TEX36: variants seen among roughly 807,000 people sequenced by gnomAD.
TEX36 encodes the protein testis-expressed protein 36.
Under a neutral mutation model 13.6 loss-of-function variants are expected in TEX36, and 12 were observed. The observed-to-expected ratio is 0.88, with a 90% CI of 0.56 to 1.43. TEX36 has a LOEUF of 1.43. Among genes scored for constraint, TEX36 ranks in the 40% most tolerant of loss-of-function variants. The pLI is 0.00. For missense variants in TEX36, 224 were observed against 228.3 expected (o/e 0.98, Z 0.12); for synonymous variants, 93 against 83.0 (o/e 1.12, Z -0.65).
chr10:125,619,071 A>T (rs1020726073), downstream of TEX36, among the ~76,000 whole-genome samples: 6 of 151,398 alleles, frequency 4.0e-5, no homozygotes, highest in Admixed American at 2.0e-4. Context: ...TGGAGCTTGC[A>T]GTGAGCCGAG....
At chr10:125,608,670 G>C (rs1846247684) in intron 3 of TEX36, among the ~76,000 whole-genome samples, 1 of 152,166 alleles carries the variant, frequency 6.6e-6, no homozygotes, top group Non-Finnish European at 1.5e-5. Context: ...AGCACATCTT[G>C]TTGAGGGCCT....
At chr10:125,656,221 G>A (rs553222902) in intron 3 of TEX36, 25 bp from the exon 4 acceptor site, 58 of 1,115,864 alleles carry the variant, frequency 5.2e-5, no homozygotes, top group African/African-American at 2.9e-4. Context: ...TACAAGATTC[G>A]AAGGAAAATA....
intron 3 of TEX36, among the ~76,000 whole-genome samples, chr10:125,599,067 A>T (rs963524761): frequency 1.3e-5 from 2 of 152,214 alleles, no homozygotes; most frequent in Non-Finnish European, 2.9e-5. Flanking sequence ...TCACTCACTG[A>T]AAGATGAAAA....
chr10:125,612,091 T>TG (rs1207175229), intron 3 of TEX36, among the ~76,000 whole-genome samples: 1 of 130,684 alleles, frequency 7.7e-6, no homozygotes, highest in Non-Finnish European at 1.7e-5. Flanking sequence ...TTCTTTTTCT[T>TG]TTTTTTTTTT....
At chr10:125,647,931 TGCAAGGCGGCAGCAAG>T (rs2133581791) in intron 3 of TEX36, among the ~76,000 whole-genome samples, 1 of 152,298 alleles carries the variant, frequency 6.6e-6, no homozygotes, top group South Asian at 2.1e-4. Context: ...GAGATCGAAC[TGCAAGGCGGCAGCAAG>T]GCTGGGGGAG....
intron 3 of TEX36, among the ~76,000 whole-genome samples, chr10:125,579,214 A>C (rs1845858121): frequency 1.3e-5 from 2 of 152,246 alleles, no homozygotes; most frequent in Admixed American, 1.3e-4. Flanking sequence ...TACTTTATAA[A>C]GAAAAGAGGC....
downstream of TEX36, among the ~76,000 whole-genome samples, chr10:125,654,735 AC>A (rs1163847170): frequency 6.6e-6 from 1 of 152,218 alleles, no homozygotes. Context: ...ATAACAAGGT[AC>A]CTTTTTTCCC....
intron 1 of TEX36, among the ~76,000 whole-genome samples, chr10:125,672,569 G>A (rs574365757): frequency 2.0e-5 from 3 of 152,274 alleles, no homozygotes; most frequent in Admixed American, 2.0e-4. Flanking sequence ...CAGTTTCAGA[G>A]TAAATGCCAT....
chr10:125,650,947 GA>G (rs1330536236), downstream of TEX36, among the ~76,000 whole-genome samples: 4 of 152,250 alleles, frequency 2.6e-5, no homozygotes, highest in African/African-American at 9.6e-5. Context: ...ACTAAACCAA[GA>G]AGAAGTTGAA....
In TEX36 at chr10:125,627,823, A is replaced by G. The variant is rs1589761599; in HGVS notation, c.265-6178T>C. Among the ~76,000 whole-genome samples the G allele has an allele frequency of 3.3e-5, 5 of 152,362 alleles. No homozygotes were observed. The South Asian group carries it at 8.3e-4, about 25-fold the overall frequency. ...CTCTGGGAGCTGCAGACGCCAGCAC[A>G]GGGCACTGCAGAGCCCAGAGGAGGG... On this transcript the variant is annotated intron_variant, in intron 3 of 3. Transcript: ENST00000526819.
intron 3 of TEX36, among the ~76,000 whole-genome samples, chr10:125,647,700 C>CG (rs112933174): frequency 0.063 from 9,572 of 151,688 alleles, 735 homozygotes; most frequent in African/African-American, 0.18. Context: ...CAGAGCAGGG[C>CG]GGGGCATTGC....
chr10:125,588,224 A>G (rs549900314), intron 3 of TEX36, among the ~76,000 whole-genome samples: 40 of 152,316 alleles, frequency 2.6e-4, no homozygotes, highest in African/African-American at 9.4e-4. Context: ...TACATTCCAA[A>G]AGGATTGTAT....
At chr10:125,658,812 T>C (rs1436663151) in intron 3 of TEX36, among the ~76,000 whole-genome samples, 1 of 152,076 alleles carries the variant, frequency 6.6e-6, no homozygotes, top group Non-Finnish European at 1.5e-5. Flanking sequence ...CATAGGCTAT[T>C]TGAAAGCAAA....
At chr10:125,656,456 C>A (rs1371150629) in intron 3 of TEX36, among the ~76,000 whole-genome samples, 1 of 151,732 alleles carries the variant, frequency 6.6e-6, no homozygotes, top group Admixed American at 6.6e-5. Context: ...CAGGGTTTTG[C>A]CATGTTGCCC....
chr10:125,593,332 G>C (rs934631900), intron 3 of TEX36, among the ~76,000 whole-genome samples: 1 of 152,212 alleles, frequency 6.6e-6, no homozygotes, highest in Non-Finnish European at 1.5e-5. Flanking sequence ...CAGGAGGAAA[G>C]AAATCATCCC....
At chr10:125,623,459 A>G (rs951680276) in intron 3 of TEX36, among the ~76,000 whole-genome samples, 1 of 152,040 alleles carries the variant, frequency 6.6e-6, no homozygotes, top group Non-Finnish European at 1.5e-5. Flanking sequence ...CATAACCATC[A>G]CATTTAGCAC....
chr10:125,667,346 C>T, intron 1 of TEX36: 1 of 644,954 alleles, frequency 1.6e-6, no homozygotes, highest in Non-Finnish European at 3.0e-6. Flanking sequence ...CACACACTGG[C>T]AGTGCTTCAA....
At chr10:125,666,622 G>GT (rs1477063822) in intron 1 of TEX36, among the ~76,000 whole-genome samples, 2 of 152,092 alleles carry the variant, frequency 1.3e-5, no homozygotes, top group Non-Finnish European at 2.9e-5. Context: ...GAGAAATTTT[G>GT]TATCTATGTT....
chr10:125,634,006 TC>T (rs1846593395), intron 3 of TEX36, among the ~76,000 whole-genome samples: 1 of 152,136 alleles, frequency 6.6e-6, no homozygotes, highest in African/African-American at 2.4e-5. Context: ...ACCTTTACTT[TC>T]TTGGATTAAA....
Sources: gnomAD v4.1 joint callset for allele counts (sites outside exome capture counted in the v4.1 genomes callset) on GRCh38, gnomAD v4.1.1 for gene constraint, MANE v1.5 for transcripts, NCBI Gene and HGNC (gene_info 2026-07-23, HGNC 2026-07-21) for gene names.